Variants in ULK4 observed in about 807,000 individuals in gnomAD.
ULK4 encodes unc-51 like kinase 4.
ULK4 carries 133 observed loss-of-function variants against 160.6 expected under a neutral mutation model. The observed-to-expected ratio is 0.83, with a 90% confidence interval of 0.72 to 0.96. The LOEUF is 0.96. ULK4 is among the 40% of genes least tolerant of loss of function. ULK4 has a pLI of 0.00. For missense variants in ULK4, 1,580 were observed against 1,499.5 expected (o/e 1.05, Z -0.89); for synonymous variants, 534 against 539.8 (o/e 0.99, Z 0.15).
At chr3:41,403,681 T>TTA (rs1273307451) in intron 34 of ULK4, among the ~76,000 whole-genome samples, 1 of 152,182 alleles carries the variant, frequency 6.6e-6, no homozygotes, top group African/African-American at 2.4e-5. Context: ...AGAACTTAGA[T>TTA]TATTGATTTA....
At chr3:41,269,988 CTG>C (rs2079111404) in intron 35 of ULK4, among the ~76,000 whole-genome samples, 1 of 152,024 alleles carries the variant, frequency 6.6e-6, no homozygotes, top group Admixed American at 6.6e-5. Flanking sequence ...ATAAAGTAGA[CTG>C]TTTTCTATAT....
intron 22 of ULK4, among the ~76,000 whole-genome samples, chr3:41,725,891 A>G (rs1026455133): frequency 6.6e-6 from 1 of 152,208 alleles, no homozygotes; most frequent in African/African-American, 2.4e-5. Context: ...CTTAATCCAA[A>G]CAGAGACTGA....
chr3:41,407,942 GGAACCCTTTAAA>G (rs2082327306), intron 34 of ULK4, among the ~76,000 whole-genome samples: 1 of 151,928 alleles, frequency 6.6e-6, no homozygotes, highest in African/African-American at 2.4e-5. Flanking sequence ...AAAATCCTAA[GGAACCCTTTAAA>G]GAACTTTTAG....
At chr3:41,641,015 T>C (rs1394351540) in intron 30 of ULK4, among the ~76,000 whole-genome samples, 1 of 152,162 alleles carries the variant, frequency 6.6e-6, no homozygotes, top group Non-Finnish European at 1.5e-5. Flanking sequence ...AAGCAAATGG[T>C]CAAGGCTTTG....
intron 30 of ULK4, among the ~76,000 whole-genome samples, chr3:41,623,751 T>A (rs1182942591): frequency 6.6e-6 from 1 of 152,138 alleles, no homozygotes; most frequent in Non-Finnish European, 1.5e-5. Flanking sequence ...TAAAGTTAAG[T>A]TAGACAGGAG....
intron 25 of ULK4, among the ~76,000 whole-genome samples, chr3:41,709,355 T>C (rs2037011407): frequency 6.6e-6 from 1 of 152,172 alleles, no homozygotes; most frequent in Non-Finnish European, 1.5e-5. Flanking sequence ...GGTCTACAAA[T>C]AAACAAAATG....
At chr3:41,929,886 CA>C (rs1159664075) in intron 5 of ULK4, among the ~76,000 whole-genome samples, 2 of 152,070 alleles carry the variant, frequency 1.3e-5, no homozygotes, top group Non-Finnish European at 2.9e-5. Context: ...TAGAAAGAAT[CA>C]AAATCATGAA....
chr3:41,602,488 T>C (rs192329216), intron 31 of ULK4, among the ~76,000 whole-genome samples: 22 of 152,166 alleles, frequency 1.4e-4, no homozygotes, highest in Non-Finnish European at 2.6e-4. Context: ...GAATAAAGTA[T>C]TGAATCCTTA....
At position 41,434,492 on chromosome 3, in the gene ULK4, A is replaced by G. The variant is rs139358516; in HGVS notation, c.3492+21005T>C. Among the ~76,000 whole-genome samples the G allele has an allele frequency of 5.6e-4, 86 of 152,330 alleles. No homozygotes were observed. The East Asian group carries it at 0.016, about 29-fold the overall frequency. On this transcript the variant is annotated intron_variant, in intron 34 of 36. Coordinates refer to ENST00000301831, the MANE Select transcript of ULK4 (RefSeq NM_017886.4). ...CAAACACTATTTTTTGTGAGTCTGG[A>G]TAAGAGAGGAAGATATTTACTTTTC... is the stretch of plus-strand genomic sequence containing the variant.
chr3:41,353,065 T>C (rs996993069), intron 35 of ULK4, among the ~76,000 whole-genome samples: 1 of 152,212 alleles, frequency 6.6e-6, no homozygotes, highest in Admixed American at 6.5e-5. Context: ...TAGCCTTCCT[T>C]TCTGGACTTG....
intron 2 of ULK4, among the ~76,000 whole-genome samples, chr3:41,953,526 C>T (rs1700373423): frequency 6.6e-6 from 1 of 151,594 alleles, no homozygotes; most frequent in African/African-American, 2.4e-5. Flanking sequence ...TGGTCTCGAA[C>T]CCAAAGTGCT....
chr3:41,856,495 TAATA>T (rs3044178), intron 17 of ULK4, among the ~76,000 whole-genome samples: 8,251 of 119,418 alleles, frequency 0.069, 613 homozygotes, highest in African/African-American at 0.17. Context: ...GAGGACACAT[TAATA>T]AATAAATAAA....
chr3:41,525,882 T>A (rs1000746087), intron 32 of ULK4, among the ~76,000 whole-genome samples: 1 of 152,238 alleles, frequency 6.6e-6, no homozygotes, highest in African/African-American at 2.4e-5. Flanking sequence ...CTATGCACAG[T>A]TTAAATCACT....
At chr3:41,882,119 A>G in intron 17 of ULK4, 2 of 687,856 alleles carry the variant, frequency 2.9e-6, no homozygotes, top group African/African-American at 1.8e-5. Context: ...AAAACACACC[A>G]TCTTCCAGGC....
intron 34 of ULK4, among the ~76,000 whole-genome samples, chr3:41,434,322 T>C (rs184771475): frequency 6.4e-4 from 97 of 152,344 alleles, no homozygotes; most frequent in African/African-American, 2.3e-3. Context: ...TATTTATATG[T>C]ACTGATATGG....
At chr3:41,920,345 C>G (rs575922058) in intron 5 of ULK4, among the ~76,000 whole-genome samples, 3 of 152,312 alleles carry the variant, frequency 2.0e-5, no homozygotes, top group South Asian at 2.1e-4. Flanking sequence ...TCCGCTCACA[C>G]TTAGTTGGCT....
chr3:41,879,753 C>T (rs545632215), intron 17 of ULK4, among the ~76,000 whole-genome samples: 36 of 152,254 alleles, frequency 2.4e-4, no homozygotes, highest in Admixed American at 3.9e-4. Flanking sequence ...ACTGGGATTA[C>T]AGCCGTGAGT....
At chr3:41,544,214 A>G (rs2086785203) in intron 32 of ULK4, among the ~76,000 whole-genome samples, 1 of 152,168 alleles carries the variant, frequency 6.6e-6, no homozygotes, top group African/African-American at 2.4e-5. Flanking sequence ...TTGTTTGTTC[A>G]GTGACACTTT....
chr3:41,584,566 CAT>C (rs2030647454), intron 31 of ULK4, among the ~76,000 whole-genome samples: 1 of 152,156 alleles, frequency 6.6e-6, no homozygotes, highest in South Asian at 2.1e-4. Flanking sequence ...GGATTAGAGA[CAT>C]GAGCTACCAT....
Sources: allele counts gnomAD v4.1 joint callset (sites outside exome capture counted in the v4.1 genomes callset), GRCh38; gene constraint gnomAD v4.1.1; transcripts MANE v1.5; gene names NCBI Gene and HGNC (gene_info 2026-07-23, HGNC 2026-07-21).